AHNAK2: variants seen among roughly 807,000 people sequenced by gnomAD.
AHNAK2 encodes the protein AHNAK nucleoprotein 2, also known as protein AHNAK2.
In AHNAK2, 18 loss-of-function variants were observed where a neutral mutation model predicts 30.7. That is an observed-to-expected ratio of 0.59 (90% CI 0.41 to 0.87). AHNAK2 has a LOEUF of 0.87. Among genes scored for constraint, AHNAK2 ranks in the 40% least tolerant of loss-of-function variants. The pLI is 0.00. For synonymous variants in AHNAK2, 3,590 were observed against 3,073.8 expected, an observed-to-expected ratio of 1.17 and a Z score of -5.56; for missense variants, 8,604 against 7,373.0, an observed-to-expected ratio of 1.17 and a Z score of -6.11.
chr14:104,946,550 G>A lies in AHNAK2; in HGVS notation c.8901C>T (p.Ala2967=), dbSNP rs762420688. 13 of 1,612,090 alleles carry A rather than the reference G, an allele frequency of 8.1e-6. No homozygotes were observed. Among genetic ancestry groups the A allele is most frequent in the East Asian group, 6.7e-5 (3 of 44,756 alleles). The stretch of plus-strand genomic sequence containing the variant: ...TGTCTTTGGCAGTCACATCCTTGTC[G>A]GCCAGGGACAGGTCACCCTCCAGCC... ...GARLEGDLSL[A]DKDVTAKDSK... The change falls in exon 7 of 7, where the codon GCC becomes GCT. Residue 2967 remains alanine (A), a synonymous_variant. Coordinates refer to ENST00000333244, the MANE Select transcript of AHNAK2 (RefSeq NM_138420.4).
intron 1 of AHNAK2, among the ~76,000 whole-genome samples, chr14:104,970,065 G>A (rs762486940): frequency 1.3e-5 from 2 of 152,144 alleles, no homozygotes; most frequent in Admixed American, 6.5e-5. Context: ...GCAGACCTGC[G>A]GCTGCCCTGA....
chr14:104,963,841 G>A (rs2819450), intron 1 of AHNAK2, among the ~76,000 whole-genome samples: 20,186 of 131,854 alleles, frequency 0.15, 2,601 homozygotes, highest in East Asian at 0.53. Flanking sequence ...AAAAAAAAAA[G>A]AAAAAAAAAA....
chr14:104,945,962 C>G lies in AHNAK2; in HGVS notation c.9489G>C (p.Glu3163Asp). Reference protein sequence around the residue: ...FGVSAPGKSIEVLVDVSAPKV... With the variant: ...FGVSAPGKSIDVLVDVSAPKV... The stretch of plus-strand genomic sequence containing the variant: ...TTGGCGCAGACACATCCACCAAGAC[C>G]TCAATGGACTTGCCTGGGGCAGACA... The change falls in exon 7 of 7, where the codon GAG becomes GAC. Residue 3163 changes from glutamate to aspartate, a missense_variant. Physicochemically the swap from Glu to Asp is conservative, Grantham distance 45 (BLOSUM62 2). Coordinates refer to ENST00000333244, the MANE Select transcript of AHNAK2 (RefSeq NM_138420.4). 3 of 1,250,688 alleles carry G rather than the reference C, an allele frequency of 2.4e-6. 1 individual carries two copies. The South Asian group carries it at 4.1e-5, about 17-fold the overall frequency. The allele number at this position is 1,250,688 out of a possible 1,614,324, so 77.5% of individuals were successfully genotyped here. A position where few individuals can be genotyped will look rare whatever the true frequency, so the allele number is the denominator to read the frequency against.
intron 4 of AHNAK2, 108 bp downstream of exon 4, chr14:104,956,480 A>G: frequency 2.6e-6 from 3 of 1,141,440 alleles, no homozygotes; most frequent in Non-Finnish European, 3.9e-6. Flanking sequence ...CACGGGGCAC[A>G]CTGCCAGCCT....
Position 104,953,381 on chromosome 14 carries a change from T to A in AHNAK2, c.2070A>T (p.Pro690=), listed in dbSNP as rs750265019. 1.2e-5 allele frequency: 20 copies of A among 1,614,006 alleles called. No individual in the cohort carries two copies. The highest frequency in any genetic ancestry group is 1.6e-5 in the Non-Finnish European group (19 of 1,179,892). The stretch of plus-strand genomic sequence containing the variant: ...CCACCGAGGCCTCCATGGACTTGCC[T>A]GGGGCTGACGCCCCGAACAATGGCA... ...FKMPLFGASA[P]GKSMEASVDV... is the part of the protein sequence containing the mutation. Residue 690 remains proline, a synonymous_variant, in exon 7 of 7, where the codon CCA becomes CCT. Coordinates refer to ENST00000333244, the MANE Select transcript of AHNAK2 (RefSeq NM_138420.4).
In AHNAK2 at chr14:104,942,626, C is replaced by T. The variant is rs765039904; in HGVS notation, c.12825G>A (p.Leu4275=). ...EVDVEAPGAK[L]DSVRLEGDLS... is the part of the protein sequence containing the mutation. ...GGTCACCCTCCAGCCGCACACTGTC[C>T]AGCTTGGCTCCCGGGGCCTCGACGT... The change falls in exon 7 of 7, where the codon CTG becomes CTA. Residue 4275 remains leucine, a synonymous_variant. Transcript: ENST00000333244. 9.9e-6 allele frequency: 16 copies of T among 1,613,370 alleles called. No homozygotes were observed. The Admixed American group carries it at 2.7e-4, about 27-fold the overall frequency.
At chr14:104,965,200 A>C (rs1899265992) in intron 1 of AHNAK2, among the ~76,000 whole-genome samples, 1 of 152,164 alleles carries the variant, frequency 6.6e-6, no homozygotes. Flanking sequence ...TATTTTTGTA[A>C]CGATTTAAAA....
chr14:104,963,667 A>ATT (rs1899214496), intron 1 of AHNAK2, among the ~76,000 whole-genome samples: 1 of 151,952 alleles, frequency 6.6e-6, no homozygotes, highest in Admixed American at 6.5e-5. Context: ...TGTCTCTTCT[A>ATT]AAAATACAAA....
intron 1 of AHNAK2, among the ~76,000 whole-genome samples, chr14:104,964,965 C>T (rs960995035): frequency 3.3e-5 from 5 of 152,212 alleles, no homozygotes; most frequent in Admixed American, 3.3e-4. Flanking sequence ...CAAACTTGTC[C>T]AACCCACGGC....
Position 104,947,144 on chromosome 14 carries a change from G to A in AHNAK2, c.8307C>T (p.Ala2769=), listed in dbSNP as rs1359179140. The A allele has an allele frequency of 4.3e-6, 7 of 1,611,922 alleles. No homozygotes were observed. The highest frequency in any genetic ancestry group is 5.9e-6 in the Non-Finnish European group (7 of 1,179,476). The change falls in exon 7 of 7, where the codon GCC becomes GCT. Residue 2769 remains alanine, a synonymous_variant. Coordinates refer to ENST00000333244, the MANE Select transcript of AHNAK2 (RefSeq NM_138420.4). ...DLKGPKAEVT[A]PDVKMSLSSM... is the part of the protein sequence containing the mutation. ...TGGACAGAGACATCTTCACATCGGG[G>A]GCTGTCACTTCCGCCTTGGGGCCTT...
At position 104,950,078 on chromosome 14, in the gene AHNAK2, C is replaced by T. The variant is rs751170153; in HGVS notation, c.5373G>A (p.Val1791=). The change falls in exon 7 of 7, where the codon GTG becomes GTA. Residue 1791 remains valine, a synonymous_variant. Coordinates refer to ENST00000333244, the MANE Select transcript of AHNAK2 (RefSeq NM_138420.4). The part of the protein sequence containing the change: ...DVEVSLPSVE[V]DVEAPGAKLD... ...GCTTGGCTCCTGGAGCCTCGACGTC[C>T]ACCTCCACGCTGGGCAGAGACACCT... is the stretch of plus-strand genomic sequence containing the variant. 20 of 1,587,148 alleles carry T rather than the reference C, an allele frequency of 1.3e-5. 3 individuals carry two copies. The highest frequency in any genetic ancestry group is 1.7e-5 in the Non-Finnish European group (20 of 1,163,230).
intron 1 of AHNAK2, among the ~76,000 whole-genome samples, chr14:104,974,793 C>T (rs1282263164): frequency 2.6e-5 from 4 of 152,214 alleles, no homozygotes; most frequent in East Asian, 1.9e-4. Flanking sequence ...CTCTGCCAGC[C>T]GGAAGACCAA....
At chr14:104,967,933 G>A (rs550934330) in intron 1 of AHNAK2, among the ~76,000 whole-genome samples, 24 of 152,352 alleles carry the variant, frequency 1.6e-4, no homozygotes, top group Admixed American at 1.4e-3. Context: ...CAGAGCGCAG[G>A]GGAGGCCGCC....
chr14:104,954,810 G>A lies in AHNAK2; in HGVS notation c.652-11C>T. Reference sequence around the variant, plus strand: ...AGCAACATCCGTGTCCTGAAACATAGGGAGAGGGAATCTGTTGGTGCCAGT... The same window carrying A: ...AGCAACATCCGTGTCCTGAAACATAAGGAGAGGGAATCTGTTGGTGCCAGT... On this transcript the variant is annotated splice_polypyrimidine_tract_variant and intron_variant, in intron 6 of 6. Coordinates refer to ENST00000333244, the MANE Select transcript of AHNAK2 (RefSeq NM_138420.4). This position sits in a 1 kb window ranked among gnomAD's most constrained non-coding sequence, Gnocchi z 4.3. 6.4e-7 allele frequency: 1 copy of A among 1,550,634 alleles called. No homozygotes were observed.
rs1566900623 is a variant in AHNAK2 at position 104,943,561 on chromosome 14, T to C, written c.11890A>G (p.Lys3964Glu). ...TTGGGCATTTTGAACTTGCTGTCTT[T>C]GGCCGTCATGTCCTTGTCGGCCAGG... is the stretch of plus-strand genomic sequence containing the variant. Reference protein sequence around the residue: ...LSLADKDMTAKDSKFKMPKFK... With the variant: ...LSLADKDMTAEDSKFKMPKFK... The change falls in exon 7 of 7, where the codon AAA (lysine) becomes GAA (glutamate). Residue 3964 changes from lysine to glutamate, a missense_variant. By Grantham distance (56) the Lys-to-Glu change is moderately conservative. Transcript: ENST00000333244. 6.2e-7 allele frequency: 1 copy of C among 1,612,714 alleles called. No individual in the cohort carries two copies. Among genetic ancestry groups the C allele is most frequent in the Non-Finnish European group, 8.5e-7 (1 of 1,179,456 alleles).
At chr14:104,968,975 G>A (rs561150919) in intron 1 of AHNAK2, among the ~76,000 whole-genome samples, 51 of 152,288 alleles carry the variant, frequency 3.3e-4, no homozygotes, top group African/African-American at 1.2e-3. Context: ...ACACACAGCC[G>A]GCCGCACTTG....
In AHNAK2 at chr14:104,940,404, C is replaced by G. The variant is rs377271655; in HGVS notation, c.15047G>C (p.Ser5016Thr). 1.2e-6 allele frequency: 2 copies of G among 1,613,892 alleles called. No individual in the cohort carries two copies. The highest frequency in any genetic ancestry group is 2.2e-5 in the East Asian group (1 of 44,890). ...TGGCATGGCAAAGCCAGGCTTTGTGCTCCTCCCCTTCTCTCCATCCCTCTC... is the reference window on the plus strand; with the variant it reads ...TGGCATGGCAAAGCCAGGCTTTGTGGTCCTCCCCTTCTCTCCATCCCTCTC... ...PPERDGEKGR[S>T]TKPGFAMPKL... The change falls in exon 7 of 7, where the codon AGC (serine) becomes ACC (threonine). Residue 5016 changes from serine to threonine, a missense_variant. Transcript: ENST00000333244. The surrounding 1 kb of genome is among the most constrained non-coding windows in gnomAD (Gnocchi z 4.4).
intron 4 of AHNAK2, 55 bp downstream of exon 4, chr14:104,956,532 CT>C: frequency 6.3e-7 from 1 of 1,578,498 alleles, no homozygotes. Flanking sequence ...GACTCTCTGG[CT>C]GGATCCCTTG....
rs751894906 is a variant in AHNAK2, at chr14:104,952,060, C to T, written c.3391G>A (p.Val1131Met). ...DVEVSLPSVEVDVEAPGAKLD... is the reference protein window; with the variant it reads ...DVEVSLPSVEMDVEAPGAKLD... Reference sequence around the variant, plus strand: ...TTGGCTCCCGGGGCCTCGACGTCCACCTCCACGCTGGGCAGAGACACCTCC... The same window carrying T: ...TTGGCTCCCGGGGCCTCGACGTCCATCTCCACGCTGGGCAGAGACACCTCC... The change falls in exon 7 of 7, where the codon GTG (valine) becomes ATG (methionine). Residue 1131 changes from valine to methionine, a missense_variant. Val to Met is a conservative substitution (Grantham distance 21). Coordinates refer to ENST00000333244, the MANE Select transcript of AHNAK2 (RefSeq NM_138420.4). The T allele has an allele frequency of 6.2e-7, 1 of 1,612,760 alleles. No homozygotes were observed. Among genetic ancestry groups the T allele is most frequent in the Non-Finnish European group, 8.5e-7 (1 of 1,179,524 alleles).
Sources: allele counts gnomAD v4.1 joint callset (sites outside exome capture counted in the v4.1 genomes callset), GRCh38; gene constraint gnomAD v4.1.1; non-coding constraint Gnocchi (gnomAD v3.1); transcripts MANE v1.5; gene names NCBI Gene and HGNC (gene_info 2026-07-23, HGNC 2026-07-21).